The following COL19A1 variants were observed in gnomAD, a reference collection of about 807,000 sequenced individuals.
The protein encoded by COL19A1 is collagen alpha-1(XIX) chain.
In COL19A1, 159 loss-of-function variants were observed where a neutral mutation model predicts 190.2. The observed-to-expected ratio is 0.84, with a 90% CI of 0.73 to 0.95. COL19A1 has a LOEUF of 0.95. Among genes scored for constraint, COL19A1 ranks in the 40% least tolerant of loss-of-function variants. The pLI is 0.00. For synonymous variants in COL19A1, 509 were observed against 458.9 expected, an observed-to-expected ratio of 1.11 and a Z score of -1.39; for missense variants, 1,418 against 1,431.9, an observed-to-expected ratio of 0.99 and a Z score of 0.16.
At chr6:69,923,604 A>T (rs1363986648) in intron 4 of COL19A1, among the ~76,000 whole-genome samples, 1 of 152,192 alleles carries the variant, frequency 6.6e-6, no homozygotes, top group Non-Finnish European at 1.5e-5. Context: ...CAAGAAGCTG[A>T]TCAAAAAAAT....
At chr6:69,927,468 A>T (rs992103656) in intron 4 of COL19A1, among the ~76,000 whole-genome samples, 1 of 152,220 alleles carries the variant, frequency 6.6e-6, no homozygotes, top group Admixed American at 6.5e-5. Context: ...CTAAGAAATC[A>T]GTATTAGGAA....
chr6:69,960,121 G>A, intron 10 of COL19A1, 81 bp downstream of exon 10: 1 of 1,358,004 alleles, frequency 7.4e-7, no homozygotes, highest in Non-Finnish European at 1.0e-6. Context: ...TTCTGAAATT[G>A]TATTTGATTA....
intron 14 of COL19A1, among the ~76,000 whole-genome samples, chr6:70,046,915 A>G (rs181822129): frequency 4.8e-4 from 73 of 152,300 alleles, no homozygotes; most frequent in Non-Finnish European, 1.6e-4. Context: ...TGGGTTATTA[A>G]CAACAAAGAA....
intron 4 of COL19A1, among the ~76,000 whole-genome samples, chr6:69,920,926 G>GTATATTCATCTATATATTCATATA (rs1771664457): frequency 1.9e-5 from 1 of 53,154 alleles, no homozygotes; most frequent in South Asian, 6.0e-4. Flanking sequence ...ATATTCATAT[G>GTATATTCATCTATATATTCATATA]TATATTCATA....
intron 11 of COL19A1, among the ~76,000 whole-genome samples, chr6:70,021,503 T>C (rs754730657): frequency 1.3e-5 from 2 of 152,198 alleles, no homozygotes; most frequent in Non-Finnish European, 2.9e-5. Flanking sequence ...GTGTCAAAAA[T>C]TTCTATTCAC....
chr6:69,984,727 C>T (rs1043323386), intron 11 of COL19A1, among the ~76,000 whole-genome samples: 1 of 152,072 alleles, frequency 6.6e-6, no homozygotes, highest in African/African-American at 2.4e-5. Context: ...ATGGAAGTCC[C>T]CCAAACTTTG....
At chr6:69,957,432 A>T (rs912027687) in intron 9 of COL19A1, among the ~76,000 whole-genome samples, 2 of 152,244 alleles carry the variant, frequency 1.3e-5, no homozygotes, top group Non-Finnish European at 2.9e-5. Flanking sequence ...CCAGGCAACG[A>T]TACTATCGGC....
chr6:70,009,437 T>G (rs1475019436), intron 11 of COL19A1, among the ~76,000 whole-genome samples: 1 of 152,066 alleles, frequency 6.6e-6, no homozygotes, highest in Non-Finnish European at 1.5e-5. Flanking sequence ...TAAAAAACAT[T>G]GCTAAAAGCA....
At chr6:70,041,239 G>A (rs1224168680) in intron 14 of COL19A1, among the ~76,000 whole-genome samples, 1 of 152,150 alleles carries the variant, frequency 6.6e-6, no homozygotes, top group Non-Finnish European at 1.5e-5. Flanking sequence ...CTTTTTGGAA[G>A]ATACCAAATT....
intron 11 of COL19A1, among the ~76,000 whole-genome samples, chr6:69,980,394 T>A (rs1345711235): frequency 6.6e-6 from 1 of 152,102 alleles, no homozygotes; most frequent in African/African-American, 2.4e-5. Flanking sequence ...TTATACCCTA[T>A]ATAAAAATAA....
intron 1 of COL19A1, among the ~76,000 whole-genome samples, chr6:69,871,463 A>T (rs1185704710): frequency 6.6e-6 from 1 of 152,220 alleles, no homozygotes; most frequent in Admixed American, 6.5e-5. Context: ...CTCTGAAAAC[A>T]TGAGTTCTTT....
At chr6:70,007,169 AT>A (rs1440624751) in intron 11 of COL19A1, among the ~76,000 whole-genome samples, 3 of 152,104 alleles carry the variant, frequency 2.0e-5, no homozygotes, top group Non-Finnish European at 4.4e-5. Flanking sequence ...ATTTGAGTTA[AT>A]TTTTGTGTAG....
intron 14 of COL19A1, among the ~76,000 whole-genome samples, chr6:70,053,344 T>C (rs1339370124): frequency 6.6e-6 from 1 of 152,190 alleles, no homozygotes; most frequent in Non-Finnish European, 1.5e-5. Context: ...TCATGCCAAC[T>C]TTCTAGTGAC....
chr6:70,107,996 A>C (rs1017126705), intron 16 of COL19A1, among the ~76,000 whole-genome samples: 5 of 152,190 alleles, frequency 3.3e-5, no homozygotes, highest in Admixed American at 2.0e-4. Flanking sequence ...GACTTATGTT[A>C]TGATAATGAG....
At chr6:69,962,995 T>A in intron 11 of COL19A1, 125 bp downstream of exon 11, 1 of 606,546 alleles carries the variant, frequency 1.6e-6, no homozygotes, top group Non-Finnish European at 2.6e-6. Context: ...TAGACATAAC[T>A]AAAACATTTG....
intron 11 of COL19A1, among the ~76,000 whole-genome samples, chr6:69,986,223 A>T (rs1477325153): frequency 1.2e-3 from 11 of 9,528 alleles, no homozygotes; most frequent in African/African-American, 3.7e-3. Flanking sequence ...TACACGTTTT[A>T]TATATATATA....
intron 15 of COL19A1, among the ~76,000 whole-genome samples, chr6:70,093,512 G>T (rs1404295007): frequency 1.3e-5 from 2 of 151,982 alleles, no homozygotes; most frequent in Non-Finnish European, 2.9e-5. Flanking sequence ...GAAGGTTTGG[G>T]TTGGCCTCAG....
chr6:70,057,890 C>T (rs1362497337), intron 14 of COL19A1, among the ~76,000 whole-genome samples: 1 of 152,030 alleles, frequency 6.6e-6, no homozygotes, highest in Non-Finnish European at 1.5e-5. Flanking sequence ...TCTTAGCAGT[C>T]ATTCATCCAT....
At chr6:70,144,368 A>G in intron 24 of COL19A1, 105 bp downstream of exon 24, 1 of 970,500 alleles carries the variant, frequency 1.0e-6, no homozygotes. Context: ...GGGATTGTAC[A>G]GATTGTGCAC....
Sources: allele counts gnomAD v4.1 joint callset (sites outside exome capture counted in the v4.1 genomes callset), GRCh38; gene constraint gnomAD v4.1.1; transcripts MANE v1.5; gene names NCBI Gene and HGNC (gene_info 2026-07-23, HGNC 2026-07-21).